TOM1L1: variants seen among roughly 807,000 people sequenced by gnomAD.
The protein encoded by TOM1L1 is target of myb1 like 1 membrane trafficking protein.
A neutral mutation model predicts 63.4 loss-of-function variants in TOM1L1; 64 were observed. That is an observed-to-expected ratio of 1.01 (90% CI 0.83 to 1.24). TOM1L1 has a LOEUF of 1.24. TOM1L1 is among the 50% of genes most tolerant of loss of function. TOM1L1 has a pLI of 0.00. For missense variants in TOM1L1, 536 were observed against 567.0 expected (o/e 0.95, Z 0.55); for synonymous variants, 166 against 194.4 (o/e 0.85, Z 1.22).
chr17:54,952,565 A>T (rs911711769), intron 14 of TOM1L1: 2 of 152,576 alleles, frequency 1.3e-5, no homozygotes, highest in African/African-American at 4.9e-5. Context: ...AAAAAAAAAA[A>T]AAATATGGCT....
chr17:54,960,346 A>C (rs1313574926), intron 14 of TOM1L1, among the ~76,000 whole-genome samples: 2 of 151,980 alleles, frequency 1.3e-5, no homozygotes, highest in Non-Finnish European at 2.9e-5. Context: ...GCCTGGACAA[A>C]AGAGTGAGAC....
rs571305431 is a variant in TOM1L1 at position 54,939,051 on chromosome 17, TATC to T, written c.1130+34_1130+36del. 3.9e-4 allele frequency: 533 copies of T among 1,366,076 alleles called. 2 individuals carry two copies. The Admixed American group carries it at 8.7e-3, about 22-fold the overall frequency. The allele number at this position is 1,366,076 out of a possible 1,614,324, so 84.6% of individuals were successfully genotyped here. A position where few individuals can be genotyped will look rare whatever the true frequency, so the allele number is the denominator to read the frequency against. On this transcript the variant is annotated intron_variant, in intron 11 of 15. Transcript: ENST00000575882. The stretch of plus-strand genomic sequence containing the variant: ...TATGTCAGTAACACTGCAGAACTAA[TATC>T]ATGACATTTAGATTCCTTACAATTA...
chr17:54,928,177 C>T (rs1474468188), intron 7 of TOM1L1, among the ~76,000 whole-genome samples: 1 of 152,072 alleles, frequency 6.6e-6, no homozygotes, highest in East Asian at 1.9e-4. Context: ...TGGATAATAG[C>T]ATATTACAGG....
intron 7 of TOM1L1, among the ~76,000 whole-genome samples, chr17:54,923,970 G>A (rs969227033): frequency 5.3e-5 from 8 of 152,000 alleles, no homozygotes; most frequent in African/African-American, 1.9e-4. Context: ...CCAGCCTGGC[G>A]ATACTACTTG....
At chr17:54,958,748 A>AAAAAGC (rs372776781) in intron 14 of TOM1L1, among the ~76,000 whole-genome samples, 5 of 118,928 alleles carry the variant, frequency 4.2e-5, no homozygotes, top group Non-Finnish European at 8.7e-5. Context: ...AAAAAAAAAA[A>AAAAAGC]GGGGTTGTTG....
intron 8 of TOM1L1, among the ~76,000 whole-genome samples, chr17:54,933,810 C>T (rs558507201): frequency 1.2e-4 from 18 of 152,276 alleles, no homozygotes; most frequent in African/African-American, 3.4e-4. Flanking sequence ...CGTGAGCTAC[C>T]ACACCTGGCC....
chr17:54,933,801 G>A (rs187234730), intron 8 of TOM1L1, among the ~76,000 whole-genome samples: 41 of 152,266 alleles, frequency 2.7e-4, no homozygotes, highest in African/African-American at 9.6e-4. Flanking sequence ...AATTATAGGC[G>A]TGAGCTACCA....
intron 7 of TOM1L1, among the ~76,000 whole-genome samples, chr17:54,928,322 C>G (rs1268412158): frequency 6.6e-6 from 1 of 151,820 alleles, no homozygotes; most frequent in Non-Finnish European, 1.5e-5. Context: ...CTTACAACAA[C>G]CTTACAAGAT....
rs1244916640 is a variant in TOM1L1 at position 54,905,407 on chromosome 17, C to T, written c.144-82C>T. ...TTCTGCTCCTTAGCCATTCCTCTCT[C>T]CAAATGCATGTTGCTTTTCAGAGAG... On this transcript the variant is annotated intron_variant, in intron 2 of 15. Coordinates refer to ENST00000575882, the MANE Select transcript of TOM1L1 (RefSeq NM_005486.3). The T allele has an allele frequency of 8.5e-6, 8 of 939,120 alleles. No homozygotes were observed. In the East Asian group the frequency reaches 1.4e-4, roughly 17 times the overall value. The allele number at this position is 939,120 out of a possible 1,614,324, so 58.2% of individuals were successfully genotyped here. A position where few individuals can be genotyped will look rare whatever the true frequency, so the allele number is the denominator to read the frequency against.
In TOM1L1 at chr17:54,913,785, G is replaced by A. The variant is rs770623498; in HGVS notation, c.410G>A (p.Ser137Asn). ...GGCTTCCCAGGAGGTGTGGATGTAA[G>A]CGAAGTCAAAGAAGTATACCTCGAC... Reference protein sequence around the residue: ...SQGFPGGVDVSEVKEVYLDLV... With the variant: ...SQGFPGGVDVNEVKEVYLDLV... The change falls in exon 5 of 16, where the codon AGC becomes AAC. Residue 137 changes from serine (S) to asparagine (N), a missense_variant. Physicochemically the swap from Ser to Asn is conservative, Grantham distance 46. Transcript: ENST00000575882. The A allele has an allele frequency of 2.0e-5, 33 of 1,611,734 alleles. No individual in the cohort carries two copies. In the African/African-American group the frequency reaches 3.7e-4, roughly 18 times the overall value.
At position 54,947,252 on chromosome 17, in the gene TOM1L1, C is replaced by T. The variant is rs767995810; in HGVS notation, c.1131-9C>T. 4 of 1,613,856 alleles carry T rather than the reference C, an allele frequency of 2.5e-6. No homozygotes were observed. The highest frequency in any genetic ancestry group is 3.4e-6 in the Non-Finnish European group (4 of 1,179,810). ...AGGGTAATCATTCTGTGTTATCACA[C>T]TATCCTAGGTTTGCCCAAAGGACCA... On this transcript the variant is annotated splice_polypyrimidine_tract_variant and intron_variant, in intron 11 of 15. Transcript: ENST00000575882.
chr17:54,936,488 G>T (rs1598039791), intron 8 of TOM1L1, 161 bp from the exon 9 acceptor site: 1 of 605,202 alleles, frequency 1.7e-6, no homozygotes, highest in African/African-American at 1.9e-5. Context: ...TGAATACTCT[G>T]TAAGCTGGAA....
intron 14 of TOM1L1, among the ~76,000 whole-genome samples, chr17:54,958,635 TAGG>T (rs2077017067): frequency 6.8e-6 from 1 of 148,118 alleles, no homozygotes; most frequent in Non-Finnish European, 1.5e-5. Context: ...GGAGGATGAA[TAGG>T]AGAATCGTTT....
At chr17:54,943,609 A>G (rs1295742639) in intron 11 of TOM1L1, among the ~76,000 whole-genome samples, 1 of 152,058 alleles carries the variant, frequency 6.6e-6, no homozygotes, top group African/African-American at 2.4e-5. Context: ...ACACATATAT[A>G]TAAAGAGAGT....
chr17:54,947,921 A>G (rs1199186032), intron 12 of TOM1L1, among the ~76,000 whole-genome samples: 2 of 152,094 alleles, frequency 1.3e-5, no homozygotes, highest in East Asian at 1.9e-4. Context: ...CAGAACTCAT[A>G]TATCTACTTT....
chr17:54,919,985 G>GATTTATTTATTTATTT (rs377199384), intron 7 of TOM1L1, among the ~76,000 whole-genome samples: 1 of 150,842 alleles, frequency 6.6e-6, no homozygotes, highest in Admixed American at 6.6e-5. Context: ...GTTTTTTATT[G>GATTTATTTATTTATTT]ATTTATTTAT....
chr17:54,955,708 A>C (rs1226535723), intron 14 of TOM1L1, among the ~76,000 whole-genome samples: 1 of 152,066 alleles, frequency 6.6e-6, no homozygotes, highest in African/African-American at 2.4e-5. Context: ...ACCTGAAAGA[A>C]GGAACTTCTT....
At chr17:54,917,820 A>G (rs1022765010) in intron 7 of TOM1L1, among the ~76,000 whole-genome samples, 1 of 152,188 alleles carries the variant, frequency 6.6e-6, no homozygotes, top group African/African-American at 2.4e-5. Context: ...TGGTATAGCA[A>G]CATGGGATGA....
At chr17:54,925,787 G>A (rs988430928) in intron 7 of TOM1L1, among the ~76,000 whole-genome samples, 3 of 151,978 alleles carry the variant, frequency 2.0e-5, no homozygotes, top group African/African-American at 7.2e-5. Context: ...TCCTATAGTC[G>A]CAGTCACTCA....
Sources: gnomAD v4.1 joint callset for allele counts (sites outside exome capture counted in the v4.1 genomes callset) on GRCh38, gnomAD v4.1.1 for gene constraint, MANE v1.5 for transcripts, NCBI Gene and HGNC (gene_info 2026-07-23, HGNC 2026-07-21) for gene names.